SEC14L5: variants seen among roughly 807,000 people sequenced by gnomAD.
SEC14L5 encodes the protein SEC14-like protein 5.
Under a neutral mutation model 84.6 loss-of-function variants are expected in SEC14L5, and 96 were observed. The ratio of observed to expected loss-of-function variants is 1.13; its 90% CI spans 0.96 to 1.34. SEC14L5 has a LOEUF of 1.34. Ranked by LOEUF, SEC14L5 falls within the 40% of genes most tolerant of loss-of-function variation. The pLI, the probability that SEC14L5 is intolerant of heterozygous loss-of-function variation, is 0.00. For synonymous variants in SEC14L5, 546 were observed against 383.4 expected (o/e 1.42, Z -4.95); for missense variants, 1,224 against 942.5 (o/e 1.30, Z -3.91).
intron 2 of SEC14L5, among the ~76,000 whole-genome samples, chr16:4,971,689 A>T (rs957696847): frequency 6.6e-6 from 1 of 152,172 alleles, no homozygotes; most frequent in South Asian, 2.1e-4. Flanking sequence ...GGGAGTGTAG[A>T]TGTAGGTCCA....
chr16:4,982,882 C>A (rs1596623874), intron 2 of SEC14L5, among the ~76,000 whole-genome samples: 1 of 151,950 alleles, frequency 6.6e-6, no homozygotes, highest in African/African-American at 2.4e-5. Flanking sequence ...AGGGTGAGAC[C>A]CTCTAATGGC....
chr16:5,009,884 G>A (rs1955779317), intron 14 of SEC14L5, among the ~76,000 whole-genome samples: 2 of 152,066 alleles, frequency 1.3e-5, no homozygotes, highest in African/African-American at 2.4e-5. Flanking sequence ...GGAACAGAAA[G>A]AACAAAATTG....
chr16:5,010,851 C>T (rs1955791573), intron 14 of SEC14L5: 3 of 491,224 alleles, frequency 6.1e-6, no homozygotes, highest in Admixed American at 6.5e-5. Context: ...GTTGCACCCC[C>T]ACCCCCAGGC....
intron 15 of SEC14L5, among the ~76,000 whole-genome samples, chr16:5,014,397 A>G (rs1320340663): frequency 2.0e-5 from 3 of 152,182 alleles, no homozygotes; most frequent in Non-Finnish European, 2.9e-5. Flanking sequence ...ACAAGAAAAG[A>G]AAGTTCTCGA....
In SEC14L5 at chr16:4,996,463, G is replaced by A. The variant is rs1331853885; in HGVS notation, c.780+3G>A. On this transcript the variant is annotated splice_donor_region_variant and intron_variant, in intron 7 of 15. Coordinates refer to ENST00000251170, the MANE Select transcript of SEC14L5 (RefSeq NM_014692.2). Reference sequence around the variant, plus strand: ...TACAGGAGACCCACAAAGGCAAGGTGGGTGCAGGGGGTACCCTGGAGCAGT... The same window carrying A: ...TACAGGAGACCCACAAAGGCAAGGTAGGTGCAGGGGGTACCCTGGAGCAGT... The A allele has an allele frequency of 9.2e-6, 14 of 1,515,786 alleles. No homozygotes were observed. Among genetic ancestry groups the A allele is most frequent in the Middle Eastern group, 1.7e-4 (1 of 5,886 alleles). The allele number at this position is 1,515,786 out of a possible 1,614,324, so 93.9% of individuals were successfully genotyped here.
At chr16:4,988,663 G>A (rs1444390770) in intron 4 of SEC14L5, among the ~76,000 whole-genome samples, 19 of 152,026 alleles carry the variant, frequency 1.2e-4, no homozygotes, top group Admixed American at 1.2e-3. Flanking sequence ...TGTGAAATGG[G>A]CTTAATAATC....
intron 6 of SEC14L5, among the ~76,000 whole-genome samples, chr16:4,995,409 C>T (rs1955598310): frequency 6.6e-6 from 1 of 152,122 alleles, no homozygotes; most frequent in African/African-American, 2.4e-5. Context: ...CCTGTGGTTC[C>T]CAGGCTGCTA....
At chr16:5,004,630 C>T (rs1348188741) in intron 11 of SEC14L5, among the ~76,000 whole-genome samples, 1 of 151,974 alleles carries the variant, frequency 6.6e-6, no homozygotes, top group Non-Finnish European at 1.5e-5. Flanking sequence ...TCCTGGGGCC[C>T]AGCACAGCAC....
At chr16:5,011,698 T>C (rs764308622) in intron 15 of SEC14L5, among the ~76,000 whole-genome samples, 10 of 152,190 alleles carry the variant, frequency 6.6e-5, no homozygotes, top group Non-Finnish European at 1.3e-4. Context: ...GGTTAAGACC[T>C]CCAGCACTTC....
In SEC14L5 at chr16:4,990,758, G is replaced by T; in HGVS notation, c.346-9G>T. 6.2e-7 allele frequency: 1 copy of T among 1,604,018 alleles called. No individual in the cohort carries two copies. Among genetic ancestry groups the T allele is most frequent in the Non-Finnish European group, 8.5e-7 (1 of 1,174,960 alleles). ...TGAGTCCCTGGCATGACCCCTGCCTGGCTTTCAGGTCCACCCTGAGAATGA... is the reference window on the plus strand; with the variant it reads ...TGAGTCCCTGGCATGACCCCTGCCTTGCTTTCAGGTCCACCCTGAGAATGA... On this transcript the variant is annotated splice_polypyrimidine_tract_variant and intron_variant, in intron 4 of 15. Coordinates refer to ENST00000251170, the MANE Select transcript of SEC14L5 (RefSeq NM_014692.2).
intron 11 of SEC14L5, among the ~76,000 whole-genome samples, chr16:5,004,259 G>A (rs990542001): frequency 2.0e-5 from 3 of 152,220 alleles, no homozygotes; most frequent in Non-Finnish European, 4.4e-5. Context: ...TCTAGCTTTT[G>A]TGGGTGCTTC....
At chr16:4,990,172 T>A (rs1016194553) in intron 4 of SEC14L5, among the ~76,000 whole-genome samples, 6 of 151,828 alleles carry the variant, frequency 4.0e-5, no homozygotes, top group African/African-American at 7.2e-5. Context: ...TTTTATTATT[T>A]TTTTTTTGGA....
At chr16:5,000,949 A>AT (rs752895489) in intron 10 of SEC14L5, 24 bp downstream of exon 10, 4 of 1,576,600 alleles carry the variant, frequency 2.5e-6, no homozygotes, top group Non-Finnish European at 2.6e-6. Context: ...CTGGGCACAA[A>AT]TCCCCCCTAA....
At chr16:5,010,513 C>G (rs187166124) in intron 14 of SEC14L5, among the ~76,000 whole-genome samples, 1 of 152,146 alleles carries the variant, frequency 6.6e-6, no homozygotes, top group Non-Finnish European at 1.5e-5. Context: ...CATGCACACA[C>G]GCAGCACCAG....
chr16:5,011,905 C>T (rs959569480), intron 15 of SEC14L5, among the ~76,000 whole-genome samples: 1 of 152,224 alleles, frequency 6.6e-6, no homozygotes, highest in Non-Finnish European at 1.5e-5. Flanking sequence ...GGAGGCGGAG[C>T]AGGCAGTTTC....
At chr16:4,971,997 G>A (rs1234558301) in intron 2 of SEC14L5, among the ~76,000 whole-genome samples, 1 of 151,990 alleles carries the variant, frequency 6.6e-6, no homozygotes, top group East Asian at 1.9e-4. Flanking sequence ...CTTCTGATAG[G>A]GCTGTAGACC....
In SEC14L5 at chr16:5,014,909, G is replaced by C; in HGVS notation, c.2030G>C (p.Ser677Thr). The C allele has an allele frequency of 1.2e-6, 2 of 1,613,532 alleles. No homozygotes were observed. The highest frequency in any genetic ancestry group is 1.7e-6 in the Non-Finnish European group (2 of 1,179,882). ...TGCACCAGCGGCTTCTCCCAGCTCA[G>C]CGCCGCCACCTCGTCCTCCTCCTCC... Reference protein sequence around the residue: ...ESCTSGFSQLSAATSSSSSGQ... With the variant: ...ESCTSGFSQLTAATSSSSSGQ... Residue 677 changes from serine (S) to threonine (T), a missense_variant, in exon 16 of 16, where the codon AGC becomes ACC. Coordinates refer to ENST00000251170, the MANE Select transcript of SEC14L5 (RefSeq NM_014692.2).
At chr16:5,001,417 CCTGA>C (rs752720506) in intron 10 of SEC14L5, among the ~76,000 whole-genome samples, 8 of 152,088 alleles carry the variant, frequency 5.3e-5, no homozygotes, top group Non-Finnish European at 8.8e-5. Flanking sequence ...CGCCACCACG[CCTGA>C]CTAATTTTTT....
intron 2 of SEC14L5, among the ~76,000 whole-genome samples, chr16:4,986,200 T>G (rs916132623): frequency 6.6e-6 from 1 of 151,844 alleles, no homozygotes; most frequent in Non-Finnish European, 1.5e-5. Context: ...AGTGCAATGG[T>G]GTGATTTCAG....
Sources: allele counts gnomAD v4.1 joint callset (sites outside exome capture counted in the v4.1 genomes callset), GRCh38; gene constraint gnomAD v4.1.1; transcripts MANE v1.5; gene names NCBI Gene and HGNC (gene_info 2026-07-23, HGNC 2026-07-21).